CDKAL1: variants seen among roughly 807,000 people sequenced by gnomAD.
The protein encoded by CDKAL1 is threonylcarbamoyladenosine tRNA methylthiotransferase.
In CDKAL1, 32 loss-of-function variants were observed where a neutral mutation model predicts 68.2. The observed-to-expected ratio is 0.47, with a 90% CI of 0.35 to 0.63. The LOEUF is 0.63. Among genes scored for constraint, CDKAL1 ranks in the 30% least tolerant of loss-of-function variants. The pLI is 0.00. For synonymous variants in CDKAL1, 234 were observed against 244.3 expected (o/e 0.96, Z 0.39); for missense variants, 606 against 696.7 (o/e 0.87, Z 1.47).
At chr6:20,848,491 G>GTAA (rs2150499350) in intron 9 of CDKAL1, among the ~76,000 whole-genome samples, 1 of 152,240 alleles carries the variant, frequency 6.6e-6, no homozygotes, top group Non-Finnish European at 1.5e-5. Context: ...TAGATCTTTA[G>GTAA]TAAGTTAACA....
intron 8 of CDKAL1, among the ~76,000 whole-genome samples, chr6:20,790,000 T>C (rs571911008): frequency 6.6e-6 from 1 of 152,346 alleles, no homozygotes; most frequent in South Asian, 2.1e-4. Context: ...TTTGTTATGT[T>C]GCCCAGGTTG....
intron 8 of CDKAL1, among the ~76,000 whole-genome samples, chr6:20,787,377 G>A (rs1010667073): frequency 2.0e-5 from 3 of 151,928 alleles, no homozygotes; most frequent in Admixed American, 6.6e-5. Flanking sequence ...TTCTGGATAC[G>A]TAGGCTATCT....
At chr6:21,099,610 T>C (rs958542860) in intron 12 of CDKAL1, among the ~76,000 whole-genome samples, 2 of 152,160 alleles carry the variant, frequency 1.3e-5, no homozygotes, top group African/African-American at 4.8e-5. Context: ...AAGTTAACTA[T>C]TGTGGTCAGT....
At chr6:21,008,457 A>T (rs1767844927) in intron 11 of CDKAL1, among the ~76,000 whole-genome samples, 1 of 152,152 alleles carries the variant, frequency 6.6e-6, no homozygotes, top group Admixed American at 6.5e-5. Context: ...AAGCCAAGAG[A>T]CAATACAGTT....
chr6:20,730,557 G>GA (rs1032484417), intron 5 of CDKAL1, among the ~76,000 whole-genome samples: 1 of 151,776 alleles, frequency 6.6e-6, no homozygotes, highest in African/African-American at 2.4e-5. Context: ...CTGTGAAAAA[G>GA]AAATAGGCCA....
In CDKAL1 at chr6:20,548,565, T is replaced by A. The variant is rs189306852; in HGVS notation, c.174-28T>A. On this transcript the variant is annotated intron_variant, in intron 3 of 15. Transcript: ENST00000274695. The stretch of plus-strand genomic sequence containing the variant: ...AAAAAAATCACTCAATGAAACTTAC[T>A]TTTTTTTTTTTATTGATTCCTTAAC... 3.4e-3 allele frequency: 1,725 copies of A among 514,090 alleles called. 20 individuals carry two copies. The Admixed American group carries it at 0.053, about 16-fold the overall frequency. 31.8% of individuals were successfully genotyped at this position (514,090 alleles called of 1,614,324 possible).
At chr6:21,209,051 C>T (rs1380712391) in intron 15 of CDKAL1, among the ~76,000 whole-genome samples, 1 of 152,160 alleles carries the variant, frequency 6.6e-6, no homozygotes, top group Non-Finnish European at 1.5e-5. Flanking sequence ...TTGCATGCAT[C>T]AGGGAACTAA....
chr6:20,551,673 A>G (rs966341515), intron 4 of CDKAL1, among the ~76,000 whole-genome samples: 1 of 152,028 alleles, frequency 6.6e-6, no homozygotes, highest in African/African-American at 2.4e-5. Context: ...CCTGGCCTAA[A>G]ATACCTTATG....
intron 9 of CDKAL1, among the ~76,000 whole-genome samples, chr6:20,878,333 C>T (rs1760636930): frequency 6.6e-6 from 1 of 152,226 alleles, no homozygotes; most frequent in Non-Finnish European, 1.5e-5. Context: ...CCTCTCTCCC[C>T]TCGCCCATAG....
chr6:20,990,617 T>C (rs1263516118), intron 10 of CDKAL1, among the ~76,000 whole-genome samples: 1 of 152,246 alleles, frequency 6.6e-6, no homozygotes, highest in East Asian at 1.9e-4. Context: ...TCGTAAGAAT[T>C]GGAAAGTTTC....
intron 5 of CDKAL1, among the ~76,000 whole-genome samples, chr6:20,674,660 T>C (rs1380522444): frequency 1.3e-5 from 2 of 152,200 alleles, no homozygotes; most frequent in Non-Finnish European, 2.9e-5. Context: ...CACCCTACTG[T>C]GCTGTAGAAC....
intron 13 of CDKAL1, among the ~76,000 whole-genome samples, chr6:21,115,266 G>A (rs536166898): frequency 1.3e-5 from 2 of 152,164 alleles, no homozygotes; most frequent in African/African-American, 4.8e-5. Context: ...TGAGAGCCAC[G>A]GTATTGTCAA....
intron 5 of CDKAL1, among the ~76,000 whole-genome samples, chr6:20,661,501 G>A (rs2206740): frequency 0.031 from 4,691 of 151,722 alleles, 76 homozygotes; most frequent in Middle Eastern, 0.058. Flanking sequence ...TGAGTGAGAG[G>A]AAAGACAGAA....
At chr6:20,878,483 T>TA (rs1276852683) in intron 9 of CDKAL1, among the ~76,000 whole-genome samples, 6 of 152,228 alleles carry the variant, frequency 3.9e-5, no homozygotes, top group Non-Finnish European at 8.8e-5. Flanking sequence ...CTCACGCCTG[T>TA]AATCCCAGCA....
At chr6:20,672,293 T>TCTCTCC (rs61462265) in intron 5 of CDKAL1, among the ~76,000 whole-genome samples, 3 of 147,274 alleles carry the variant, frequency 2.0e-5, no homozygotes, top group African/African-American at 5.2e-5. Context: ...TCTCTCTCTC[T>TCTCTCC]CTCTCCCTCT....
intron 10 of CDKAL1, among the ~76,000 whole-genome samples, chr6:20,979,200 A>C (rs541337281): frequency 6.6e-6 from 1 of 152,204 alleles, no homozygotes; most frequent in African/African-American, 2.4e-5. Flanking sequence ...GTCTGTGTAT[A>C]TTGAAACTAT....
At chr6:20,954,882 G>A (rs1332468343) in intron 9 of CDKAL1, among the ~76,000 whole-genome samples, 1 of 152,148 alleles carries the variant, frequency 6.6e-6, no homozygotes, top group Non-Finnish European at 1.5e-5. Context: ...GCAACAAAAT[G>A]AATACTATTT....
intron 5 of CDKAL1, among the ~76,000 whole-genome samples, chr6:20,703,189 T>C (rs1050881302): frequency 2.6e-5 from 4 of 152,240 alleles, no homozygotes; most frequent in Admixed American, 6.5e-5. Flanking sequence ...AAGAAAGTGG[T>C]GTAGACTGGG....
chr6:20,753,371 A>G (rs963964471), intron 6 of CDKAL1, among the ~76,000 whole-genome samples: 4 of 152,190 alleles, frequency 2.6e-5, no homozygotes, highest in African/African-American at 7.2e-5. Flanking sequence ...AATGATGTAT[A>G]TAAGTCAGTG....
Sources: allele counts gnomAD v4.1 joint callset (sites outside exome capture counted in the v4.1 genomes callset), GRCh38; gene constraint gnomAD v4.1.1; transcripts MANE v1.5; gene names NCBI Gene and HGNC (gene_info 2026-07-23, HGNC 2026-07-21).